The following TULP4 variants were observed in gnomAD, a reference collection of about 807,000 sequenced individuals.
The protein encoded by TULP4 is tubby-related protein 4.
Under a neutral mutation model 129.0 loss-of-function variants are expected in TULP4, and 16 were observed. That is an observed-to-expected ratio of 0.12 (90% CI 0.08 to 0.19). The LOEUF is 0.19. Among genes scored for constraint, TULP4 ranks in the 10% least tolerant of loss-of-function variants. The pLI is 1.00. For synonymous variants in TULP4, 998 were observed against 854.0 expected (o/e 1.17, Z -2.94); for missense variants, 1,842 against 2,059.1 (o/e 0.89, Z 2.04).
chr6:158,503,995 G>A lies in TULP4; in HGVS notation c.4332G>A (p.Glu1444=), dbSNP rs780984822. 11 of 1,613,064 alleles carry A rather than the reference G, an allele frequency of 6.8e-6. No homozygotes were observed. Among genetic ancestry groups the A allele is most frequent in the Non-Finnish European group, 9.3e-6 (11 of 1,179,616 alleles). ...RSPRAAGELE[E]AKCRRASEKE... ...CACGGGCCGCCGGCGAGCTGGAGGA[G>A]GCCAAGTGCCGGCGGGCCAGTGAGA... The change falls in exon 13 of 14, where the codon GAG becomes GAA. Residue 1444 remains glutamate, a synonymous_variant. Transcript: ENST00000367097. The surrounding 1 kb of genome is among the most constrained non-coding windows in gnomAD (Gnocchi z 4.3).
intron 1 of TULP4, among the ~76,000 whole-genome samples, chr6:158,366,451 C>A (rs887213183): frequency 6.6e-6 from 1 of 152,234 alleles, no homozygotes; most frequent in African/African-American, 2.4e-5. Flanking sequence ...CTTCCTCCTG[C>A]TGCCCCAGGG....
At chr6:158,450,328 G>T (rs1213007316) in intron 4 of TULP4, among the ~76,000 whole-genome samples, 1 of 152,176 alleles carries the variant, frequency 6.6e-6, no homozygotes, top group Non-Finnish European at 1.5e-5. Context: ...CTGTTCCGGG[G>T]GAAATTAGAG....
chr6:158,487,859 GTATT>G lies in TULP4; in HGVS notation c.1487-1725_1487-1722del, dbSNP rs1293317135. ...AAATCGTCATTTATTCTTTCAGAAA[GTATT>G]TATCAAGTCTCAGGTATTGTTCTAG... On this transcript the variant is annotated intron_variant, in intron 8 of 13. Transcript: ENST00000367097. Among the ~76,000 whole-genome samples the G allele has an allele frequency of 6.3e-4, 96 of 152,362 alleles. 2 individuals are homozygous for G. The highest frequency in any genetic ancestry group is 3.5e-4 in the Non-Finnish European group (24 of 68,032).
chr6:158,326,507 T>C (rs2128489834), intron 1 of TULP4, among the ~76,000 whole-genome samples: 1 of 152,358 alleles, frequency 6.6e-6, no homozygotes, highest in South Asian at 2.1e-4. Flanking sequence ...TGGAATCTTG[T>C]ATTTTTTTGG....
chr6:158,452,709 C>T (rs944029763), intron 5 of TULP4, among the ~76,000 whole-genome samples: 2 of 152,156 alleles, frequency 1.3e-5, no homozygotes, highest in African/African-American at 2.4e-5. Context: ...CATCACTGTG[C>T]GATAAAGTTA....
chr6:158,449,004 T>A lies in TULP4; in HGVS notation c.552T>A (p.Phe184Leu). 1 of 1,609,946 alleles carries A rather than the reference T, an allele frequency of 6.2e-7. No individual in the cohort carries two copies. Among genetic ancestry groups the A allele is most frequent in the Non-Finnish European group, 8.5e-7 (1 of 1,177,238 alleles). Residue 184 changes from phenylalanine to leucine, a missense_variant, in exon 4 of 14, where the codon TTT becomes TTA. By Grantham distance (22) the Phe-to-Leu change is conservative. This residue lies in a region of TULP4 where 151 missense variants were observed against 268.7 expected (regional missense o/e 0.56). Coordinates refer to ENST00000367097, the MANE Select transcript of TULP4 (RefSeq NM_020245.5). ...CCCATCCTGGATTGCAGGTGCTGTT[T>A]GGCACGGCCGATGGGCAGGTGATTG... ...IWTPDDQQVL[F>L]GTADGQVIVM...
chr6:158,278,323 A>G (rs1778682019), upstream of TULP4, among the ~76,000 whole-genome samples: 1 of 152,118 alleles, frequency 6.6e-6, no homozygotes, highest in Non-Finnish European at 1.5e-5. Context: ...GTATCTTTCC[A>G]TACAATTGTT....
intron 1 of TULP4, among the ~76,000 whole-genome samples, chr6:158,245,967 C>G (rs921754727): frequency 2.0e-5 from 3 of 151,680 alleles, no homozygotes; most frequent in Admixed American, 2.0e-4. Context: ...TCATAAGATT[C>G]AAATTTCCTG....
intron 3 of TULP4, among the ~76,000 whole-genome samples, chr6:158,436,376 GT>G (rs1554291190): frequency 6.6e-6 from 1 of 152,226 alleles, no homozygotes; most frequent in Non-Finnish European, 1.5e-5. Context: ...TGACCAGAAT[GT>G]ATCACTTGAA....
rs1210746880 is a variant in TULP4, at chr6:158,256,930, C to T, written n.68+24627C>T. ...TTTCAGGTGGCAGCAGGTGAGCCTC[C>T]TGCCAAGTTGGCATAATGGGAACAG... On this transcript the variant is annotated intron_variant and non_coding_transcript_variant, in intron 1 of 1. Coordinates refer to the TULP4 transcript ENST00000620026. Among the ~76,000 whole-genome samples the T allele has an allele frequency of 3.9e-5, 6 of 152,228 alleles. No homozygotes were observed. The East Asian group carries it at 1.2e-3, about 29-fold the overall frequency.
chr6:158,497,871 A>G (rs1421501548), intron 11 of TULP4, among the ~76,000 whole-genome samples: 1 of 152,268 alleles, frequency 6.6e-6, no homozygotes, highest in Non-Finnish European at 1.5e-5. Flanking sequence ...TGGAGCTAGA[A>G]TAAAGAAGCT....
chr6:158,376,812 T>TA (rs1446317735), intron 1 of TULP4, among the ~76,000 whole-genome samples: 4 of 152,206 alleles, frequency 2.6e-5, no homozygotes, highest in African/African-American at 9.6e-5. Flanking sequence ...GTCTCATGCT[T>TA]ACCCTGTTGA....
chr6:158,241,589 C>T (rs1178480102), intron 1 of TULP4, among the ~76,000 whole-genome samples: 1 of 151,970 alleles, frequency 6.6e-6, no homozygotes, highest in African/African-American at 2.4e-5. Context: ...CAAAACCAGT[C>T]AGGCGTGAAA....
At chr6:158,345,501 C>T (rs984186569) in intron 1 of TULP4, among the ~76,000 whole-genome samples, 2 of 152,174 alleles carry the variant, frequency 1.3e-5, no homozygotes, top group Non-Finnish European at 2.9e-5. Context: ...ACAGCTGGGC[C>T]GCCAGGCGTG....
At chr6:158,341,672 A>AT (rs1355967713) in intron 1 of TULP4, among the ~76,000 whole-genome samples, 6 of 148,810 alleles carry the variant, frequency 4.0e-5, no homozygotes, top group Admixed American at 1.3e-4. Context: ...GATGTTGGGC[A>AT]TTTTTTTTTC....
At chr6:158,480,988 A>ACT in intron 7 of TULP4, 67 bp from the exon 8 acceptor site, 1 of 1,444,302 alleles carries the variant, frequency 6.9e-7, no homozygotes, top group Non-Finnish European at 9.3e-7. Flanking sequence ...CCCCGTGCCC[A>ACT]CTCTCTTTCC....
At chr6:158,381,096 G>T (rs189169802) in intron 1 of TULP4, among the ~76,000 whole-genome samples, 32 of 151,674 alleles carry the variant, frequency 2.1e-4, no homozygotes, top group African/African-American at 7.7e-4. Flanking sequence ...TTGTACATTT[G>T]GCTCTGATTC....
At chr6:158,452,346 T>G in intron 5 of TULP4, 78 bp downstream of exon 5, 2 of 1,540,178 alleles carry the variant, frequency 1.3e-6, no homozygotes, top group Admixed American at 3.8e-5. Context: ...TTGTACACTC[T>G]GTGCTTACTG....
chr6:158,369,383 C>T (rs553337866), intron 1 of TULP4, among the ~76,000 whole-genome samples: 85 of 152,230 alleles, frequency 5.6e-4, no homozygotes, highest in Admixed American at 2.6e-4. Context: ...CCTGTAGTGC[C>T]AGCTACTTGG....
Sources: gnomAD v4.1 joint callset for allele counts (sites outside exome capture counted in the v4.1 genomes callset) on GRCh38, gnomAD v4.1.1 for gene constraint, gnomAD v4.1.1 regional missense constraint, Gnocchi (gnomAD v3.1) non-coding constraint, MANE v1.5 for transcripts, NCBI Gene and HGNC (gene_info 2026-07-23, HGNC 2026-07-21) for gene names.